HHLA1: variants seen among roughly 807,000 people sequenced by gnomAD.
HHLA1 encodes the protein HHLA1 neighbor of OC90.
In HHLA1, 72 loss-of-function variants were observed where a neutral mutation model predicts 69.9. That is an observed-to-expected ratio of 1.03 (90% CI 0.85 to 1.25). HHLA1 has a LOEUF of 1.25. HHLA1 is among the 50% of genes most tolerant of loss of function. The probability of loss-of-function intolerance (pLI) is 0.00; values close to 1 mark genes in which losing one functional copy is unlikely to be tolerated. For missense variants in HHLA1, 685 were observed against 642.2 expected (o/e 1.07, Z -0.72); for synonymous variants, 252 against 233.2 (o/e 1.08, Z -0.73).
At chr8:132,101,279 A>G (rs1454233048) in intron 3 of HHLA1, 3 of 1,549,976 alleles carry the variant, frequency 1.9e-6, no homozygotes, top group African/African-American at 2.7e-5. Flanking sequence ...AGACACTGAA[A>G]TAAAAGTTTT....
rs574362375 is a variant in HHLA1 at position 132,089,120 on chromosome 8, A to G, written c.532+396T>C. ...GTGTATCATTCTTAACTGTACTCCA[A>G]ACATGGGCTTAGGCTCCATATAGAT... On this transcript the variant is annotated intron_variant, in intron 8 of 16. Coordinates refer to ENST00000414222, the MANE Select transcript of HHLA1 (RefSeq NM_001145095.3). 7.9e-5 allele frequency among the ~76,000 whole-genome samples: 12 copies of G among 152,336 alleles called. No homozygotes were observed. The South Asian group carries it at 1.2e-3, about 16-fold the overall frequency.
intron 14 of HHLA1, among the ~76,000 whole-genome samples, chr8:132,073,840 C>G (rs1390658135): frequency 1.3e-5 from 2 of 152,166 alleles, no homozygotes; most frequent in African/African-American, 4.8e-5. Context: ...GGTTCTATCT[C>G]CTACATATCA....
Position 132,095,541 on chromosome 8 carries a change from G to A in HHLA1, c.426C>T (p.Asn142=). 6.5e-7 allele frequency: 1 copy of A among 1,549,746 alleles called. No homozygotes were observed. Among genetic ancestry groups the A allele is most frequent in the Non-Finnish European group, 8.7e-7 (1 of 1,145,120 alleles). ...KFPTRYCYCL[N]NRTNDLSDFT... Reference sequence around the variant, plus strand: ...CACCTGATAAGTCATTGGTCCGATTGTTTAAACAGTAGCAATACCTTGTGG... The same window carrying A: ...CACCTGATAAGTCATTGGTCCGATTATTTAAACAGTAGCAATACCTTGTGG... The change falls in exon 7 of 17, where the codon AAC becomes AAT. Residue 142 remains asparagine (N), a synonymous_variant. Transcript: ENST00000414222.
chr8:132,105,093 G>T (rs1824181809), intron 2 of HHLA1, 94 bp downstream of exon 2: 8 of 904,946 alleles, frequency 8.8e-6, no homozygotes, highest in South Asian at 8.8e-5. Context: ...TGGATTCTGG[G>T]CAGAAATGTT....
Position 132,064,018 on chromosome 8 carries a change from C to T in HHLA1, c.1573G>A (p.Glu525Lys). ...HSHTLKQKCL[E>K]NICKSV ...CCTCACACAGACTTGCAGATATTCT[C>T]AAGGCACTTTTGCTTTAAGGCTGAA... Residue 525 changes from glutamate to lysine, a missense_variant, in exon 17 of 17, where the codon GAG (glutamate) becomes AAG (lysine). By Grantham distance (56) the Glu-to-Lys change is moderately conservative (BLOSUM62 1). Transcript: ENST00000414222. 7.7e-7 allele frequency: 1 copy of T among 1,303,060 alleles called. No individual in the cohort carries two copies. 80.7% of individuals were successfully genotyped at this position (1,303,060 alleles called of 1,614,324 possible). A position where few individuals can be genotyped will look rare whatever the true frequency, so the allele number is the denominator to read the frequency against.
At chr8:132,069,234 C>G (rs1489355769) in intron 15 of HHLA1, among the ~76,000 whole-genome samples, 1 of 152,152 alleles carries the variant, frequency 6.6e-6, no homozygotes, top group Non-Finnish European at 1.5e-5. Flanking sequence ...AACTCCTATT[C>G]CTCCATAAAG....
chr8:132,074,126 C>G (rs756705076), intron 14 of HHLA1, among the ~76,000 whole-genome samples: 4 of 152,214 alleles, frequency 2.6e-5, no homozygotes, highest in Non-Finnish European at 4.4e-5. Context: ...ACTTTCAGCA[C>G]CTTCAACATC....
chr8:132,070,650 A>T (rs1823517763), intron 15 of HHLA1, among the ~76,000 whole-genome samples: 1 of 151,796 alleles, frequency 6.6e-6, no homozygotes, highest in African/African-American at 2.4e-5. Context: ...TTACACCTCA[A>T]CTCAACTCAT....
intron 14 of HHLA1, among the ~76,000 whole-genome samples, chr8:132,073,239 A>G (rs1823579229): frequency 6.6e-6 from 1 of 152,120 alleles, no homozygotes; most frequent in Non-Finnish European, 1.5e-5. Context: ...TCAGCCTCCC[A>G]AAGTGCTGGA....
intron 3 of HHLA1, among the ~76,000 whole-genome samples, chr8:132,102,589 T>G (rs1391443087): frequency 6.6e-6 from 1 of 152,104 alleles, no homozygotes; most frequent in Non-Finnish European, 1.5e-5. Context: ...CTGCACCAGC[T>G]GCTATAAGAT....
intron 10 of HHLA1, among the ~76,000 whole-genome samples, chr8:132,086,549 TTC>T (rs369985741): frequency 9.1e-4 from 138 of 152,364 alleles, no homozygotes; most frequent in African/African-American, 3.3e-3. Flanking sequence ...TGTAAATATG[TTC>T]TCTCTTCCTA....
At chr8:132,066,992 A>G (rs1823451891) in intron 15 of HHLA1, among the ~76,000 whole-genome samples, 1 of 152,152 alleles carries the variant, frequency 6.6e-6, no homozygotes, top group South Asian at 2.1e-4. Context: ...AATACGATGA[A>G]TCAGTGATAA....
At chr8:132,071,278 G>T in intron 15 of HHLA1, 62 bp downstream of exon 15, 1 of 1,455,122 alleles carries the variant, frequency 6.9e-7, no homozygotes, top group Non-Finnish European at 9.3e-7. Flanking sequence ...CTGCAGAAAA[G>T]CCACACGGAA....
intron 3 of HHLA1, among the ~76,000 whole-genome samples, chr8:132,102,598 A>AG (rs1824127683): frequency 6.6e-6 from 1 of 152,178 alleles, no homozygotes; most frequent in Non-Finnish European, 1.5e-5. Flanking sequence ...CTGCTATAAG[A>AG]TCTGCAGGAG....
At chr8:132,090,915 C>T (rs995022878) in intron 7 of HHLA1, among the ~76,000 whole-genome samples, 22 of 152,138 alleles carry the variant, frequency 1.4e-4, no homozygotes, top group Middle Eastern at 3.4e-3. Flanking sequence ...CCCGCCAACA[C>T]GCCCAGCTAA....
chr8:132,102,525 A>C (rs1170123902), intron 3 of HHLA1, among the ~76,000 whole-genome samples: 1 of 152,226 alleles, frequency 6.6e-6, no homozygotes. Context: ...AGCTTGAGTG[A>C]GGCCACTGCA....
rs1823369074 is a variant in HHLA1 at position 132,062,490 on chromosome 8, G to C, written c.*1505C>G. ...CTTTCCTCACCCAAGGGCAGCCCTA[G>C]GTCACAAAAGGGTAAAAAAAATACT... On this transcript the variant is annotated 3_prime_UTR_variant, in exon 17 of 17. Coordinates refer to ENST00000414222, the MANE Select transcript of HHLA1 (RefSeq NM_001145095.3). 6.6e-6 allele frequency: 1 copy of C among 152,080 alleles called. No homozygotes were observed. The highest frequency in any genetic ancestry group is 2.4e-5 in the African/African-American group (1 of 41,388). The allele number at this position is 152,080 out of a possible 1,614,324, so 9.4% of individuals were successfully genotyped here. A position where few individuals can be genotyped will look rare whatever the true frequency, so the allele number is the denominator to read the frequency against.
chr8:132,098,394 G>A lies in HHLA1; in HGVS notation c.280+488C>T, dbSNP rs150862819. Among the ~76,000 whole-genome samples the A allele has an allele frequency of 3.8e-4, 58 of 152,152 alleles. No homozygotes were observed. The East Asian group carries it at 5.6e-3, about 15-fold the overall frequency. On this transcript the variant is annotated intron_variant, in intron 5 of 16. Transcript: ENST00000414222. ...ACATACCATGTCTGTATTGCAATTC[G>A]CTCTCAAAATTCTTGTAAACCTTCT... is the stretch of plus-strand genomic sequence containing the variant.
rs144186495 is a variant in HHLA1 at position 132,086,287 on chromosome 8, G to T, written c.676+1366C>A. On this transcript the variant is annotated intron_variant, in intron 10 of 16. Coordinates refer to ENST00000414222, the MANE Select transcript of HHLA1 (RefSeq NM_001145095.3). The stretch of plus-strand genomic sequence containing the variant: ...AAGACAAAGACTGGCCTATAGTCTG[G>T]TGGGCAGAGCCTGTGTTGGATTTTG... 2.5e-4 allele frequency among the ~76,000 whole-genome samples: 38 copies of T among 152,286 alleles called. No individual in the cohort carries two copies. The East Asian group carries it at 5.8e-3, about 23-fold the overall frequency.
Sources: gnomAD v4.1 joint callset for allele counts (sites outside exome capture counted in the v4.1 genomes callset) on GRCh38, gnomAD v4.1.1 for gene constraint, MANE v1.5 for transcripts, NCBI Gene and HGNC (gene_info 2026-07-23, HGNC 2026-07-21) for gene names.